PIBF1: variants seen among roughly 807,000 people sequenced by gnomAD.
PIBF1 encodes progesterone-induced-blocking factor 1.
In PIBF1, 90 loss-of-function variants were observed where a neutral mutation model predicts 112.5. That is an observed-to-expected ratio of 0.80 (90% confidence interval 0.67 to 0.95). The LOEUF is 0.95. Among genes scored for constraint, PIBF1 ranks in the 40% least tolerant of loss-of-function variants. The pLI is 0.00. For missense variants in PIBF1, 915 were observed against 852.3 expected (o/e 1.07, Z -0.92); for synonymous variants, 301 against 288.6 (o/e 1.04, Z -0.44).
At chr13:72,797,759 A>G (rs1165793238) in intron 4 of PIBF1, 148 bp from the exon 5 acceptor site, 2 of 551,186 alleles carry the variant, frequency 3.6e-6, no homozygotes, top group African/African-American at 2.0e-5. Context: ...CTTGATAGAA[A>G]GTATTAGTGG....
chr13:72,967,426 G>C (rs1339003651), intron 15 of PIBF1, among the ~76,000 whole-genome samples: 1 of 152,110 alleles, frequency 6.6e-6, no homozygotes, highest in East Asian at 1.9e-4. Flanking sequence ...AGCTGTAGGA[G>C]AAAATTATAA....
chr13:72,783,748 C>A, intron 2 of PIBF1, 27 bp downstream of exon 2: 1 of 1,600,128 alleles, frequency 6.2e-7, no homozygotes, highest in South Asian at 1.1e-5. Flanking sequence ...ATTTTGTGTT[C>A]TATATGCTTT....
intron 5 of PIBF1, among the ~76,000 whole-genome samples, chr13:72,818,017 T>C (rs1424313050): frequency 1.3e-5 from 2 of 152,204 alleles, no homozygotes; most frequent in Non-Finnish European, 2.9e-5. Flanking sequence ...GACTTGCTTC[T>C]GTTTATACTT....
intron 15 of PIBF1, among the ~76,000 whole-genome samples, chr13:72,966,306 A>G (rs981011336): frequency 9.2e-5 from 14 of 152,152 alleles, no homozygotes; most frequent in Non-Finnish European, 1.5e-4. Context: ...TTTCATTTCT[A>G]CCCCACCAAA....
At chr13:72,843,837 A>T (rs1040333085) in intron 9 of PIBF1, among the ~76,000 whole-genome samples, 2 of 152,184 alleles carry the variant, frequency 1.3e-5, no homozygotes, top group African/African-American at 2.4e-5. Context: ...CTTAGCCCTC[A>T]GATTAGTAGA....
chr13:72,843,986 A>G (rs545341297), intron 9 of PIBF1, among the ~76,000 whole-genome samples: 3 of 152,382 alleles, frequency 2.0e-5, no homozygotes, highest in Admixed American at 2.0e-4. Context: ...TTAAATTAAC[A>G]TCACGTTTTA....
chr13:72,983,707 C>G (rs1449214636), intron 16 of PIBF1, among the ~76,000 whole-genome samples: 1 of 152,156 alleles, frequency 6.6e-6, no homozygotes, highest in Non-Finnish European at 1.5e-5. Context: ...CTTAGGCAAT[C>G]CACTTCATAA....
intron 10 of PIBF1, among the ~76,000 whole-genome samples, chr13:72,893,201 G>A (rs368767432): frequency 6.6e-6 from 1 of 152,016 alleles, no homozygotes; most frequent in African/African-American, 2.4e-5. Flanking sequence ...TTTATTACCG[G>A]TTATACCTAT....
chr13:72,830,614 G>A (rs2037059939), intron 8 of PIBF1, among the ~76,000 whole-genome samples: 1 of 152,062 alleles, frequency 6.6e-6, no homozygotes, highest in Non-Finnish European at 1.5e-5. Context: ...TTGCCTCCCT[G>A]GTATGAAGCC....
intron 5 of PIBF1, among the ~76,000 whole-genome samples, chr13:72,821,557 T>C (rs2036558444): frequency 6.6e-6 from 1 of 152,204 alleles, no homozygotes; most frequent in South Asian, 2.1e-4. Flanking sequence ...TAAAAAGTCA[T>C]TTAACATTTG....
chr13:72,991,792 C>T (rs886123931), intron 16 of PIBF1, among the ~76,000 whole-genome samples: 3 of 151,754 alleles, frequency 2.0e-5, no homozygotes, highest in Admixed American at 6.6e-5. Flanking sequence ...GATCTCGGCT[C>T]ACTGCAACCT....
At chr13:72,898,095 G>A (rs1274265870) in intron 11 of PIBF1, among the ~76,000 whole-genome samples, 1 of 152,084 alleles carries the variant, frequency 6.6e-6, no homozygotes, top group East Asian at 1.9e-4. Context: ...TAAGAAAATT[G>A]AAATTATATC....
chr13:72,967,891 A>C (rs796739965), intron 15 of PIBF1, among the ~76,000 whole-genome samples: 24 of 152,294 alleles, frequency 1.6e-4, no homozygotes, highest in African/African-American at 5.8e-4. Context: ...AATGATAAAA[A>C]TATTCCATAT....
chr13:72,963,803 A>G (rs2042668963), intron 14 of PIBF1, among the ~76,000 whole-genome samples: 1 of 152,200 alleles, frequency 6.6e-6, no homozygotes, highest in African/African-American at 2.4e-5. Flanking sequence ...CAAAGAAGAT[A>G]TACAAATGCC....
chr13:72,932,983 A>T (rs141727526), intron 14 of PIBF1, among the ~76,000 whole-genome samples: 1 of 152,112 alleles, frequency 6.6e-6, no homozygotes. Context: ...AGTTTTTGGA[A>T]TAAAGCTCAT....
intron 5 of PIBF1, among the ~76,000 whole-genome samples, chr13:72,802,676 G>A (rs1345885647): frequency 1.3e-5 from 2 of 151,962 alleles, no homozygotes; most frequent in Non-Finnish European, 2.9e-5. Flanking sequence ...TAGACATGTT[G>A]AGTTTGAGAG....
chr13:72,920,670 C>A (rs1397991236), intron 13 of PIBF1, among the ~76,000 whole-genome samples: 1 of 151,994 alleles, frequency 6.6e-6, no homozygotes, highest in Non-Finnish European at 1.5e-5. Flanking sequence ...ACCTGTAATC[C>A]CAGCTTCTGG....
At chr13:72,897,213 TAAAG>T (rs2040314963) in intron 11 of PIBF1, among the ~76,000 whole-genome samples, 1 of 152,008 alleles carries the variant, frequency 6.6e-6, no homozygotes, top group Admixed American at 6.6e-5. Context: ...GCATCATAAA[TAAAG>T]GAAAGATACA....
At chr13:72,869,624 AT>A (rs1000043500) in intron 10 of PIBF1, among the ~76,000 whole-genome samples, 1,300 of 83,354 alleles carry the variant, frequency 0.016, 9 homozygotes, top group African/African-American at 0.034. Flanking sequence ...AATAATAATA[AT>A]AAAAAATAAA....
Sources: allele counts gnomAD v4.1 joint callset (sites outside exome capture counted in the v4.1 genomes callset), GRCh38; gene constraint gnomAD v4.1.1; transcripts MANE v1.5; gene names NCBI Gene and HGNC (gene_info 2026-07-23, HGNC 2026-07-21).